The following FGD6 variants were observed in gnomAD, a reference collection of about 807,000 sequenced individuals.
FGD6 encodes FYVE, RhoGEF and PH domain-containing protein 6.
Under a neutral mutation model 149.4 loss-of-function variants are expected in FGD6, and 90 were observed. That is an observed-to-expected ratio of 0.60 (90% confidence interval 0.51 to 0.72). FGD6 has a LOEUF of 0.72. FGD6 is among the 30% of genes least tolerant of loss of function. FGD6 has a pLI of 0.00. For missense variants in FGD6, 1,437 were observed against 1,684.8 expected, an observed-to-expected ratio of 0.85 and a Z score of 2.57; for synonymous variants, 527 against 584.0, an observed-to-expected ratio of 0.90 and a Z score of 1.41.
intron 8 of FGD6, among the ~76,000 whole-genome samples, chr12:95,118,206 C>A (rs1879078543): frequency 6.6e-6 from 1 of 151,812 alleles, no homozygotes. Flanking sequence ...TAAAAATTCA[C>A]CAGGCATGGT....
chr12:95,208,925 C>G lies in FGD6; in HGVS notation c.2359G>C (p.Asp787His). The stretch of plus-strand genomic sequence containing the variant: ...TCTTCTACCTCATACACATTTGCAT[C>G]AGCGTCCTCCATGCTGCTGGAATTC... ...WQNSSSMEDA[D>H]ANVYEVEEPY... The change falls in exon 2 of 21, where the codon GAT (aspartate) becomes CAT (histidine). Residue 787 changes from aspartate to histidine, a missense_variant. Physicochemically the swap from Asp to His is moderately conservative, Grantham distance 81. Around this residue, in one of 2 missense-constraint regions of FGD6, gnomAD observed 1,055 missense variants for 1,146.0 expected, o/e 0.92. Transcript: ENST00000343958. 6.2e-7 allele frequency: 1 copy of G among 1,614,126 alleles called. No individual in the cohort carries two copies. Among genetic ancestry groups the G allele is most frequent in the Non-Finnish European group, 8.5e-7 (1 of 1,180,020 alleles).
In FGD6 at chr12:95,089,628, C is replaced by T. The variant is rs1348197359; in HGVS notation, c.3919G>A (p.Val1307Ile). ...HKSPSSALSS[V>I]LHSIPSGRKQ... ...CTCCCTGATGGAATGCTATGTAAGA[C>T]TGATGATAAGGCACTTGAAGGAGAT... is the stretch of plus-strand genomic sequence containing the variant. Residue 1307 changes from valine to isoleucine, a missense_variant, in exon 18 of 21, where the codon GTC becomes ATC. This residue lies in a region of FGD6 where 382 missense variants were observed against 538.7 expected (regional missense o/e 0.71). Coordinates refer to ENST00000343958, the MANE Select transcript of FGD6 (RefSeq NM_018351.4). 5.0e-6 allele frequency: 8 copies of T among 1,613,852 alleles called. No individual in the cohort carries two copies. The highest frequency in any genetic ancestry group is 2.7e-5 in the African/African-American group (2 of 74,906).
intron 14 of FGD6, among the ~76,000 whole-genome samples, chr12:95,095,426 C>T (rs1431303305): frequency 6.6e-6 from 1 of 151,696 alleles, no homozygotes; most frequent in Non-Finnish European, 1.5e-5. Flanking sequence ...CATGTTAACT[C>T]CAAATCATTA....
chr12:95,134,072 A>C (rs1879598200), intron 8 of FGD6, among the ~76,000 whole-genome samples: 1 of 152,208 alleles, frequency 6.6e-6, no homozygotes, highest in African/African-American at 2.4e-5. Context: ...CAGGATAAGA[A>C]TACTACTATT....
At chr12:95,132,309 CT>C (rs1879545224) in intron 8 of FGD6, among the ~76,000 whole-genome samples, 1 of 152,126 alleles carries the variant, frequency 6.6e-6, no homozygotes, top group Non-Finnish European at 1.5e-5. Context: ...GCCACTACAC[CT>C]AGTTAAAATC....
At chr12:95,154,055 GT>G (rs1880394346) in intron 3 of FGD6, among the ~76,000 whole-genome samples, 1 of 152,170 alleles carries the variant, frequency 6.6e-6, no homozygotes, top group South Asian at 2.1e-4. Context: ...TGCCTCCGGG[GT>G]TCGAGAGATT....
chr12:95,182,232 T>A (rs1490714521), intron 2 of FGD6, among the ~76,000 whole-genome samples: 2 of 151,090 alleles, frequency 1.3e-5, no homozygotes, highest in Non-Finnish European at 3.0e-5. Flanking sequence ...TTTTTTTTTT[T>A]TTTTTGGAGA....
At chr12:95,213,591 T>C (rs1476304325) in intron 1 of FGD6, among the ~76,000 whole-genome samples, 1 of 152,208 alleles carries the variant, frequency 6.6e-6, no homozygotes, top group Non-Finnish European at 1.5e-5. Context: ...ATTAATCTTT[T>C]ACTTTCCGTA....
chr12:95,165,634 G>A (rs1592859838), intron 3 of FGD6, among the ~76,000 whole-genome samples: 2 of 150,788 alleles, frequency 1.3e-5, no homozygotes, highest in Non-Finnish European at 3.0e-5. Context: ...CACCGCGCCC[G>A]GCCAATTTTG....
chr12:95,151,251 A>G (rs2136272415), intron 5 of FGD6, among the ~76,000 whole-genome samples: 1 of 152,224 alleles, frequency 6.6e-6, no homozygotes, highest in Middle Eastern at 3.4e-3. Flanking sequence ...GATTTTTCAC[A>G]TAGGAATCAG....
chr12:95,142,248 T>A (rs1393424897), intron 5 of FGD6, among the ~76,000 whole-genome samples: 1 of 151,616 alleles, frequency 6.6e-6, no homozygotes, highest in Non-Finnish European at 1.5e-5. Context: ...TTCAAGCTAT[T>A]CTCCTGCCTC....
At chr12:95,089,497 G>A in intron 18 of FGD6, 72 bp downstream of exon 18, 1 of 1,507,664 alleles carries the variant, frequency 6.6e-7, no homozygotes, top group Non-Finnish European at 8.9e-7. Context: ...CTTTATGAAA[G>A]AAAAACGGTG....
chr12:95,131,873 C>T (rs942590692), intron 8 of FGD6, among the ~76,000 whole-genome samples: 1 of 152,072 alleles, frequency 6.6e-6, no homozygotes, highest in Non-Finnish European at 1.5e-5. Context: ...AACCATATCC[C>T]TACTAAAAAT....
intron 3 of FGD6, among the ~76,000 whole-genome samples, chr12:95,161,357 G>A (rs140101025): frequency 0.019 from 2,908 of 152,024 alleles, 93 homozygotes; most frequent in African/African-American, 0.067. Context: ...TTAGCCAGGC[G>A]TAGTGGCAAG....
At chr12:95,136,259 G>A (rs933105639) in intron 7 of FGD6, among the ~76,000 whole-genome samples, 7 of 152,070 alleles carry the variant, frequency 4.6e-5, no homozygotes, top group Non-Finnish European at 8.8e-5. Context: ...TCGGGAGGCT[G>A]AGGCAGGAAA....
intron 3 of FGD6, among the ~76,000 whole-genome samples, chr12:95,158,236 T>C (rs974295395): frequency 3.4e-5 from 5 of 147,702 alleles, no homozygotes; most frequent in African/African-American, 1.3e-4. Context: ...GGCGTGATCT[T>C]GGCTCACTGC....
intron 9 of FGD6, among the ~76,000 whole-genome samples, chr12:95,112,628 G>A (rs1373838041): frequency 6.6e-6 from 1 of 152,084 alleles, no homozygotes; most frequent in Admixed American, 6.6e-5. Flanking sequence ...GGGTATACCT[G>A]TGACATTTGA....
At chr12:95,135,576 A>G (rs1160149036) in intron 7 of FGD6, among the ~76,000 whole-genome samples, 2 of 152,114 alleles carry the variant, frequency 1.3e-5, no homozygotes, top group Non-Finnish European at 2.9e-5. Flanking sequence ...TCATTCTCCA[A>G]CCTAAGAGTT....
intron 18 of FGD6, among the ~76,000 whole-genome samples, chr12:95,088,028 T>C (rs759120558): frequency 2.6e-5 from 4 of 152,224 alleles, no homozygotes; most frequent in Non-Finnish European, 5.9e-5. Context: ...CTTATCTAAG[T>C]TGTTATTAAT....
Sources: gnomAD v4.1 joint callset for allele counts (sites outside exome capture counted in the v4.1 genomes callset) on GRCh38, gnomAD v4.1.1 for gene constraint, gnomAD v4.1.1 regional missense constraint, MANE v1.5 for transcripts, NCBI Gene and HGNC (gene_info 2026-07-23, HGNC 2026-07-21) for gene names.